The following HSPG2 variants were observed in gnomAD, a reference collection of about 807,000 sequenced individuals.
The protein encoded by HSPG2 is heparan sulfate proteoglycan 2, also known as basement membrane-specific heparan sulfate proteoglycan core protein.
Under a neutral mutation model 526.6 loss-of-function variants are expected in HSPG2, and 278 were observed. The ratio of observed to expected loss-of-function variants is 0.53; its 90% CI spans 0.48 to 0.58. The LOEUF (loss-of-function observed/expected upper bound fraction) is 0.58. HSPG2 is among the 20% of genes least tolerant of loss of function. The pLI is 0.00. For missense variants in HSPG2, 5,354 were observed against 6,099.5 expected (o/e 0.88, Z 4.07); for synonymous variants, 2,465 against 2,555.4 (o/e 0.96, Z 1.07).
At chr1:21,926,670 G>T (rs573075862) in intron 1 of HSPG2, among the ~76,000 whole-genome samples, 6 of 137,812 alleles carry the variant, frequency 4.4e-5, no homozygotes, top group Admixed American at 1.6e-4. Flanking sequence ...TGAGGCAAAA[G>T]AATCGCTATT....
chr1:21,894,437 A>G (rs1642600802), intron 3 of HSPG2, among the ~76,000 whole-genome samples: 1 of 152,114 alleles, frequency 6.6e-6, no homozygotes, highest in Non-Finnish European at 1.5e-5. Context: ...ACTGGCATTC[A>G]GCCCAGCTGC....
intron 1 of HSPG2, among the ~76,000 whole-genome samples, chr1:21,925,612 A>G (rs954718594): frequency 1.3e-5 from 2 of 152,186 alleles, no homozygotes; most frequent in South Asian, 4.1e-4. Context: ...TGGAAGCCAA[A>G]GGGTAAAAAG....
At chr1:21,932,105 A>T (rs928916958) in intron 1 of HSPG2, among the ~76,000 whole-genome samples, 1 of 151,520 alleles carries the variant, frequency 6.6e-6, no homozygotes, top group Non-Finnish European at 1.5e-5. Context: ...AGGCGTCCCT[A>T]GGAGACCCCA....
chr1:21,903,351 C>A (rs1478889879), intron 1 of HSPG2, among the ~76,000 whole-genome samples: 18 of 152,244 alleles, frequency 1.2e-4, no homozygotes, highest in Non-Finnish European at 2.4e-4. Context: ...CTGTAGTCCC[C>A]GCACTTTGGG....
At position 21,875,751 on chromosome 1, in the gene HSPG2, C is replaced by T; in HGVS notation, c.3184-4G>A. The stretch of plus-strand genomic sequence containing the variant: ...CATCGGGCCGCTGCCATGCTTGCTG[C>T]CAAGGAGAGGACACATGTGCTCAGC... On this transcript the variant is annotated splice_region_variant and splice_polypyrimidine_tract_variant and intron_variant, in intron 24 of 96. Coordinates refer to ENST00000374695, the MANE Select transcript of HSPG2 (RefSeq NM_005529.7). The T allele has an allele frequency of 1.2e-6, 2 of 1,605,854 alleles. No individual in the cohort carries two copies. Among genetic ancestry groups the T allele is most frequent in the East Asian group, 4.5e-5 (2 of 44,876 alleles).
Position 21,884,616 on chromosome 1 carries a change from G to A in HSPG2, c.1566C>T (p.Phe522=), listed in dbSNP as rs1641743265. 1.2e-6 allele frequency: 2 copies of A among 1,611,236 alleles called. No individual in the cohort carries two copies. Among genetic ancestry groups the A allele is most frequent in the Non-Finnish European group, 1.7e-6 (2 of 1,179,814 alleles). The part of the protein sequence containing the change: ...LEHSAACLPC[F]CFGITSVCQS... ...GGCACACGCTGGTGATGCCAAAGCA[G>A]AAGCAGGGCAGGCAGGCGGCGCTGT... is the stretch of plus-strand genomic sequence containing the variant. The change falls in exon 13 of 97, where the codon TTC becomes TTT. Residue 522 remains phenylalanine (F), a synonymous_variant. Transcript: ENST00000374695.
intron 57 of HSPG2, 61 bp downstream of exon 57, chr1:21,849,980 G>A: frequency 6.2e-7 from 1 of 1,603,514 alleles, no homozygotes; most frequent in Admixed American, 1.7e-5. Context: ...GCCCGGTCAA[G>A]CCTATGCTCT....
chr1:21,865,479 C>T lies in HSPG2; in HGVS notation c.4315-114G>A. The T allele has an allele frequency of 2.8e-6, 3 of 1,066,604 alleles. No individual in the cohort carries two copies. The highest frequency in any genetic ancestry group is 3.6e-5 in the Admixed American group (2 of 55,252). The allele number at this position is 1,066,604 out of a possible 1,614,324, so 66.1% of individuals were successfully genotyped here. ...CCCCAGCCTCCCACCTCTCTGCTCT[C>T]CCAAGCTCATGCGCCCAAAGGAGTC... On this transcript the variant is annotated intron_variant, in intron 34 of 96. Transcript: ENST00000374695. The surrounding 1 kb of genome is among the most constrained non-coding windows in gnomAD (Gnocchi z 5.4).
At position 21,891,217 on chromosome 1, in the gene HSPG2, T is replaced by C. The variant is rs568035086; in HGVS notation, c.245-523A>G. Among the ~76,000 whole-genome samples, 7 of 152,354 alleles carry C rather than the reference T, an allele frequency of 4.6e-5. No individual in the cohort carries two copies. The East Asian group carries it at 1.3e-3, about 29-fold the overall frequency. ...AGAGCACCTTCCACCGTGTACTGCATAGATTCTGCCAGGTTTCACATCACA... is the reference window on the plus strand; with the variant it reads ...AGAGCACCTTCCACCGTGTACTGCACAGATTCTGCCAGGTTTCACATCACA... On this transcript the variant is annotated intron_variant, in intron 3 of 96. Transcript: ENST00000374695.
At position 21,864,354 on chromosome 1, in the gene HSPG2, C is replaced by T. The variant is rs1211231285; in HGVS notation, c.4627-141G>A. ...CGGCGCCCCTCCTTCCCCACTTCTG[C>T]TCAGTCTGTCCTCCCACCCACGGCC... On this transcript the variant is annotated intron_variant, in intron 36 of 96. Coordinates refer to ENST00000374695, the MANE Select transcript of HSPG2 (RefSeq NM_005529.7). The surrounding 1 kb of genome is among the most constrained non-coding windows in gnomAD (Gnocchi z 4.8). The T allele has an allele frequency of 2.7e-6, 2 of 730,014 alleles. No individual in the cohort carries two copies. The highest frequency in any genetic ancestry group is 3.5e-5 in the African/African-American group (2 of 57,458). The allele number at this position is 730,014 out of a possible 1,614,324, so 45.2% of individuals were successfully genotyped here. A position where few individuals can be genotyped will look rare whatever the true frequency, so the allele number is the denominator to read the frequency against.
At position 21,864,838 on chromosome 1, in the gene HSPG2, C is replaced by G; in HGVS notation, c.4626+5G>C. 6.2e-7 allele frequency: 1 copy of G among 1,607,090 alleles called. No individual in the cohort carries two copies. Among genetic ancestry groups the G allele is most frequent in the Middle Eastern group, 1.7e-4 (1 of 6,054 alleles). On this transcript the variant is annotated splice_donor_5th_base_variant and intron_variant, in intron 36 of 96. Transcript: ENST00000374695. This position sits in a 1 kb window ranked among gnomAD's most constrained non-coding sequence, Gnocchi z 4.8. ...CAGAGGTGGTGGAGCTGGCCACACA[C>G]TCACCTGGCAGGACAGACCGATGTA... is the stretch of plus-strand genomic sequence containing the variant.
At chr1:21,894,402 G>A (rs1642597889) in intron 3 of HSPG2, among the ~76,000 whole-genome samples, 1 of 152,100 alleles carries the variant, frequency 6.6e-6, no homozygotes, top group Admixed American at 6.5e-5. Context: ...CCCAGGATCA[G>A]GGAGGCACAC....
At position 21,854,667 on chromosome 1, in the gene HSPG2, C is replaced by T; in HGVS notation, c.6232G>A (p.Ala2078Thr). ...CTGTACCAGGTGACCTGGGCATGGG[C>T]TGACCCTGCCACCACACAGTTGAGG... ...LDLNCVVAGS[A>T]HAQVTWYRRG... The change falls in exon 49 of 97, where the codon GCC (alanine) becomes ACC (threonine). Residue 2078 changes from alanine (A) to threonine (T), a missense_variant. By Grantham distance (58) the Ala-to-Thr change is moderately conservative. Transcript: ENST00000374695. The T allele has an allele frequency of 6.2e-7, 1 of 1,603,874 alleles. No individual in the cohort carries two copies. Among genetic ancestry groups the T allele is most frequent in the Non-Finnish European group, 8.5e-7 (1 of 1,175,194 alleles).
Position 21,890,494 on chromosome 1 carries a change from G to A in HSPG2, c.355-9C>T. ...AAGTACTCCGACTCCAGCTGGGGAG[G>A]GACACAGTGCCATCAGCCCCAGAGG... is the stretch of plus-strand genomic sequence containing the variant. On this transcript the variant is annotated splice_polypyrimidine_tract_variant and intron_variant, in intron 4 of 96. Coordinates refer to ENST00000374695, the MANE Select transcript of HSPG2 (RefSeq NM_005529.7). The surrounding 1 kb of genome is among the most constrained non-coding windows in gnomAD (Gnocchi z 4.1). 6.2e-7 allele frequency: 1 copy of A among 1,613,816 alleles called. No homozygotes were observed. Among genetic ancestry groups the A allele is most frequent in the Non-Finnish European group, 8.5e-7 (1 of 1,179,894 alleles).
At chr1:21,875,182 A>C in intron 25 of HSPG2, 180 bp from the exon 26 acceptor site, 1 of 647,302 alleles carries the variant, frequency 1.5e-6, no homozygotes, top group Non-Finnish European at 2.8e-6. Flanking sequence ...CCTGCAACTT[A>C]CTCCAAACCA....
intron 57 of HSPG2, among the ~76,000 whole-genome samples, chr1:21,849,641 G>A (rs563992478): frequency 1.6e-4 from 24 of 151,942 alleles, no homozygotes; most frequent in East Asian, 3.9e-4. Flanking sequence ...TGCAAGTAGC[G>A]GAACAGTGTC....
Position 21,865,422 on chromosome 1 carries a change from GTGTCCTCC to G in HSPG2, c.4315-65_4315-58del. 6.6e-7 allele frequency: 1 copy of G among 1,509,426 alleles called. No homozygotes were observed. The highest frequency in any genetic ancestry group is 9.2e-7 in the Non-Finnish European group (1 of 1,085,992). The allele number at this position is 1,509,426 out of a possible 1,614,324, so 93.5% of individuals were successfully genotyped here. A position where few individuals can be genotyped will look rare whatever the true frequency, so the allele number is the denominator to read the frequency against. On this transcript the variant is annotated intron_variant, in intron 34 of 96. Coordinates refer to ENST00000374695, the MANE Select transcript of HSPG2 (RefSeq NM_005529.7). The surrounding 1 kb of genome is among the most constrained non-coding windows in gnomAD (Gnocchi z 5.4). ...GCCGAGGGGTCCCTGGGGTGCCAGG[GTGTCCTCC>G]ACCAGTCCTAGATTCTCTGTAACCC...
chr1:21,898,584 TAGAACCGTA>T lies in HSPG2; in HGVS notation c.64-2283_64-2275del, dbSNP rs1263376003. The stretch of plus-strand genomic sequence containing the variant: ...CCAGGGGATTCCCACAGTCCCTGGT[TAGAACCGTA>T]AGACCAGCCCCTACCAGGCGCTCTG... On this transcript the variant is annotated intron_variant, in intron 1 of 96. Transcript: ENST00000374695. This position sits in a 1 kb window ranked among gnomAD's most constrained non-coding sequence, Gnocchi z 4.0. Among the ~76,000 whole-genome samples the T allele has an allele frequency of 6.6e-6, 1 of 152,238 alleles. No individual in the cohort carries two copies. The highest frequency in any genetic ancestry group is 6.5e-5 in the Admixed American group (1 of 15,286).
chr1:21,917,332 C>T (rs1643910476), intron 1 of HSPG2, among the ~76,000 whole-genome samples: 1 of 151,870 alleles, frequency 6.6e-6, no homozygotes, highest in Non-Finnish European at 1.5e-5. Flanking sequence ...ACTCGGGAGG[C>T]TGAGATGGGA....
Sources: gnomAD v4.1 joint callset for allele counts (sites outside exome capture counted in the v4.1 genomes callset) on GRCh38, gnomAD v4.1.1 for gene constraint, Gnocchi (gnomAD v3.1) non-coding constraint, MANE v1.5 for transcripts, NCBI Gene and HGNC (gene_info 2026-07-23, HGNC 2026-07-21) for gene names.